Variants in CCDC85A observed in about 807,000 individuals in gnomAD.
CCDC85A encodes coiled-coil domain containing 85A.
A neutral mutation model predicts 50.2 loss-of-function variants in CCDC85A; 38 were observed. The ratio of observed to expected loss-of-function variants is 0.76; its 90% CI spans 0.58 to 0.99. The LOEUF (loss-of-function observed/expected upper bound fraction) is 0.99, where lower values mean the gene tolerates loss of function less well. Among genes scored for constraint, CCDC85A ranks in the 50% least tolerant of loss-of-function variants. The probability of loss-of-function intolerance (pLI) is 0.00; values close to 1 mark genes in which losing one functional copy is unlikely to be tolerated. For synonymous variants in CCDC85A, 366 were observed against 301.4 expected, an observed-to-expected ratio of 1.21 and a Z score of -2.22; for missense variants, 820 against 742.0, an observed-to-expected ratio of 1.11 and a Z score of -1.22.
chr2:56,208,292 T>C (rs1372961717), intron 2 of CCDC85A, among the ~76,000 whole-genome samples: 11 of 152,164 alleles, frequency 7.2e-5, no homozygotes, highest in Admixed American at 6.5e-4. Context: ...CAGAAGAAAC[T>C]AAACTAAATT....
chr2:56,262,512 G>T (rs112379299), intron 2 of CCDC85A, among the ~76,000 whole-genome samples: 28 of 152,242 alleles, frequency 1.8e-4, no homozygotes, highest in Non-Finnish European at 2.1e-4. Flanking sequence ...GGATAAGTTG[G>T]TGTGACTCAA....
intron 2 of CCDC85A, among the ~76,000 whole-genome samples, chr2:56,314,475 T>A (rs969242395): frequency 1.3e-5 from 2 of 152,088 alleles, no homozygotes; most frequent in Non-Finnish European, 2.9e-5. Flanking sequence ...AAAAAGCATT[T>A]TGTGTTAAAA....
intron 3 of CCDC85A, among the ~76,000 whole-genome samples, chr2:56,363,466 A>G (rs1298903263): frequency 6.6e-6 from 1 of 152,216 alleles, no homozygotes; most frequent in Non-Finnish European, 1.5e-5. Context: ...TATTGTATGT[A>G]TCCTAGATAG....
chr2:56,259,387 C>G (rs1028584123), intron 2 of CCDC85A, among the ~76,000 whole-genome samples: 2 of 152,168 alleles, frequency 1.3e-5, no homozygotes, highest in African/African-American at 4.8e-5. Flanking sequence ...GCTTCCCCGG[C>G]ACCATATCCC....
rs765018363 is a variant in CCDC85A, at chr2:56,184,618, G to A, written c.-7G>A. 1,004 of 1,418,140 alleles carry A rather than the reference G, an allele frequency of 7.1e-4. No homozygotes were observed. Among genetic ancestry groups the A allele is most frequent in the Non-Finnish European group, 8.5e-4 (935 of 1,100,952 alleles). 87.8% of individuals were successfully genotyped at this position (1,418,140 alleles called of 1,614,324 possible). On this transcript the variant is annotated 5_prime_UTR_variant, in exon 1 of 6. Coordinates refer to ENST00000407595, the MANE Select transcript of CCDC85A (RefSeq NM_001080433.2). ...CACCCACTTGCACCTGCCACCCCGCGGATACCATGTCGAAGGCGGCCGGAG... is the reference window on the plus strand; with the variant it reads ...CACCCACTTGCACCTGCCACCCCGCAGATACCATGTCGAAGGCGGCCGGAG...
intron 2 of CCDC85A, among the ~76,000 whole-genome samples, chr2:56,323,718 A>T (rs753757591): frequency 6.7e-4 from 102 of 152,104 alleles, no homozygotes; most frequent in Admixed American, 3.3e-3. Flanking sequence ...CTAGAACAGG[A>T]TTGAGGAGCT....
At chr2:56,352,129 G>C (rs1275491187) in intron 3 of CCDC85A, among the ~76,000 whole-genome samples, 1 of 152,140 alleles carries the variant, frequency 6.6e-6, no homozygotes, top group African/African-American at 2.4e-5. Context: ...CCTGTAGCCT[G>C]AGGAAAGTGA....
Position 56,184,630 on chromosome 2 carries a change from G to C in CCDC85A, c.6G>C (p.Ser2=). Reference sequence around the variant, plus strand: ...CCTGCCACCCCGCGGATACCATGTCGAAGGCGGCCGGAGGCGCGGCGGCGG... The same window carrying C: ...CCTGCCACCCCGCGGATACCATGTCCAAGGCGGCCGGAGGCGCGGCGGCGG... M[S]KAAGGAAAAA... Residue 2 remains serine (S), a synonymous_variant, in exon 1 of 6, where the codon TCG becomes TCC. Coordinates refer to ENST00000407595, the MANE Select transcript of CCDC85A (RefSeq NM_001080433.2). The C allele has an allele frequency of 1.4e-6, 2 of 1,426,494 alleles. No individual in the cohort carries two copies. The highest frequency in any genetic ancestry group is 1.5e-5 in the South Asian group (1 of 65,012). 88.4% of individuals were successfully genotyped at this position (1,426,494 alleles called of 1,614,324 possible). A position where few individuals can be genotyped will look rare whatever the true frequency, so the allele number is the denominator to read the frequency against.
At chr2:56,351,417 G>A (rs1189876943) in intron 3 of CCDC85A, among the ~76,000 whole-genome samples, 1 of 146,382 alleles carries the variant, frequency 6.8e-6, no homozygotes, top group African/African-American at 2.6e-5. Flanking sequence ...GATCCCTGAG[G>A]AATCGCCACA....
At chr2:56,214,472 A>G (rs1573035432) in intron 2 of CCDC85A, among the ~76,000 whole-genome samples, 1 of 151,992 alleles carries the variant, frequency 6.6e-6, no homozygotes, top group Non-Finnish European at 1.5e-5. Context: ...CCAGGATGCT[A>G]ATAATCTAGT....
At chr2:56,255,259 T>C (rs1057028101) in intron 2 of CCDC85A, among the ~76,000 whole-genome samples, 2 of 152,198 alleles carry the variant, frequency 1.3e-5, no homozygotes, top group African/African-American at 4.8e-5. Flanking sequence ...TGCTTATGGC[T>C]ATGTGGAAGA....
chr2:56,337,752 C>G (rs1674146262), intron 2 of CCDC85A, among the ~76,000 whole-genome samples: 1 of 151,498 alleles, frequency 6.6e-6, no homozygotes, highest in Non-Finnish European at 1.5e-5. Flanking sequence ...TTTCTCCCAA[C>G]TGCTTATAAG....
chr2:56,323,742 T>A (rs1222774805), intron 2 of CCDC85A, among the ~76,000 whole-genome samples: 2 of 152,100 alleles, frequency 1.3e-5, no homozygotes, highest in Admixed American at 6.6e-5. Context: ...GCTTCAGACT[T>A]ATTATGTGTA....
chr2:56,331,126 A>G (rs1274609727), intron 2 of CCDC85A, among the ~76,000 whole-genome samples: 4 of 151,954 alleles, frequency 2.6e-5, no homozygotes, highest in Admixed American at 6.6e-5. Context: ...TAACTCAGAA[A>G]CAGAAAGGGA....
chr2:56,319,810 A>G (rs1161740080), intron 2 of CCDC85A, among the ~76,000 whole-genome samples: 1 of 152,076 alleles, frequency 6.6e-6, no homozygotes, highest in Non-Finnish European at 1.5e-5. Context: ...CCACACACAA[A>G]GTGACTAGGC....
At chr2:56,276,867 C>T (rs752812049) in intron 2 of CCDC85A, among the ~76,000 whole-genome samples, 1 of 152,088 alleles carries the variant, frequency 6.6e-6, no homozygotes, top group Non-Finnish European at 1.5e-5. Flanking sequence ...AAATGCAAAC[C>T]AGTGAGTGAT....
At chr2:56,269,792 T>C (rs773375919) in intron 2 of CCDC85A, among the ~76,000 whole-genome samples, 12 of 152,224 alleles carry the variant, frequency 7.9e-5, no homozygotes, top group Admixed American at 2.0e-4. Flanking sequence ...AGGCTGACTC[T>C]GGACATAAAG....
chr2:56,376,505 T>G (rs1182277183), intron 5 of CCDC85A, among the ~76,000 whole-genome samples: 1 of 152,228 alleles, frequency 6.6e-6, no homozygotes, highest in East Asian at 1.9e-4. Context: ...TTTACTTTTG[T>G]GTCTTCCTTC....
Position 56,193,460 on chromosome 2 carries a change from G to T in CCDC85A, c.1240+20G>T. 1 of 1,568,810 alleles carries T rather than the reference G, an allele frequency of 6.4e-7. No homozygotes were observed. Among genetic ancestry groups the T allele is most frequent in the Non-Finnish European group, 8.6e-7 (1 of 1,156,996 alleles). On this transcript the variant is annotated intron_variant, in intron 2 of 5. Transcript: ENST00000407595. The stretch of plus-strand genomic sequence containing the variant: ...TGAACGGTGGGTCAGTATGTGCTGG[G>T]GTGCTGCTTGGGCTGGGGAACTCAG...
Sources: allele counts gnomAD v4.1 joint callset (sites outside exome capture counted in the v4.1 genomes callset), GRCh38; gene constraint gnomAD v4.1.1; transcripts MANE v1.5; gene names NCBI Gene and HGNC (gene_info 2026-07-23, HGNC 2026-07-21).